RANBP2: variants seen among roughly 807,000 people sequenced by gnomAD.
RANBP2 encodes the protein E3 SUMO-protein ligase RanBP2.
A neutral mutation model predicts 303.6 loss-of-function variants in RANBP2; 57 were observed. That is an observed-to-expected ratio of 0.19 (90% CI 0.15 to 0.23). RANBP2 has a LOEUF of 0.23. RANBP2 is among the 10% of genes least tolerant of loss of function. The pLI, the probability that RANBP2 is intolerant of heterozygous loss-of-function variation, is 1.00. For synonymous variants in RANBP2, 1,167 were observed against 1,301.5 expected (o/e 0.90, Z 2.23); for missense variants, 3,138 against 3,780.8 (o/e 0.83, Z 4.46).
At chr2:109,640,980 G>A in the RANBP2 span, among the ~76,000 whole-genome samples, 1 of 152,224 alleles carries the variant, frequency 6.6e-6, no homozygotes, top group East Asian at 1.9e-4. Flanking sequence ...GTAGATCTTC[G>A]AGAATTAAAG....
At chr2:109,157,222 C>T in the RANBP2 span, among the ~76,000 whole-genome samples, 2 of 152,156 alleles carry the variant, frequency 1.3e-5, no homozygotes, top group Non-Finnish European at 2.9e-5. Flanking sequence ...TCTTCTACTC[C>T]TCAGCTCTGC....
At chr2:108,938,364 T>C in the RANBP2 span, among the ~76,000 whole-genome samples, 120 of 152,350 alleles carry the variant, frequency 7.9e-4, 1 homozygote, top group Non-Finnish European at 1.8e-4. Flanking sequence ...AATTATGTTA[T>C]GAAGCAGGTG....
the RANBP2 span, among the ~76,000 whole-genome samples, chr2:109,568,772 T>C: frequency 6.6e-6 from 1 of 152,190 alleles, no homozygotes; most frequent in Non-Finnish European, 1.5e-5. Flanking sequence ...AGCTTCTCTT[T>C]GTGCCTCGTT....
At chr2:109,163,885 G>C in the RANBP2 span, among the ~76,000 whole-genome samples, 1 of 152,164 alleles carries the variant, frequency 6.6e-6, no homozygotes, top group Non-Finnish European at 1.5e-5. Flanking sequence ...GACCAAGTAT[G>C]AATGAAAGAA....
chr2:109,509,260 T>A, the RANBP2 span, among the ~76,000 whole-genome samples: 1 of 152,186 alleles, frequency 6.6e-6, no homozygotes, highest in South Asian at 2.1e-4. Context: ...CAGCCGCCTG[T>A]CAGATTATGC....
chr2:109,527,597 T>C, the RANBP2 span, among the ~76,000 whole-genome samples: 1 of 152,136 alleles, frequency 6.6e-6, no homozygotes, highest in Non-Finnish European at 1.5e-5. Flanking sequence ...GGTGAGTTCA[T>C]AGTATCGAAT....
the RANBP2 span, among the ~76,000 whole-genome samples, chr2:108,995,716 T>A: frequency 6.6e-6 from 1 of 152,200 alleles, no homozygotes; most frequent in African/African-American, 2.4e-5. Flanking sequence ...ACAGCAGGTG[T>A]CAGAGACTTC....
chr2:108,857,326 C>T, the RANBP2 span, among the ~76,000 whole-genome samples: 1 of 152,024 alleles, frequency 6.6e-6, no homozygotes, highest in African/African-American at 2.4e-5. Flanking sequence ...GCCTCGGCCT[C>T]CCAAAGCACT....
the RANBP2 span, among the ~76,000 whole-genome samples, chr2:109,082,465 C>T: frequency 3.3e-5 from 5 of 151,166 alleles, no homozygotes; most frequent in Non-Finnish European, 5.9e-5. Flanking sequence ...CACATCTGGC[C>T]AATTTTTGTA....
rs1405683088 is a variant in RANBP2 at position 108,755,247 on chromosome 2, A to C, written c.2454A>C (p.Val818=). ...TACTGAAAATGATTTGCCAACAAGTAGAGGCCATTAAGGTAAGTCACTTAA... is the reference window on the plus strand; with the variant it reads ...TACTGAAAATGATTTGCCAACAAGTCGAGGCCATTAAGGTAAGTCACTTAA... The part of the protein sequence containing the change: ...NSLLKMICQQ[V]EAIKKEMQEL... Residue 818 remains valine, a synonymous_variant, in exon 17 of 29, where the codon GTA becomes GTC. Coordinates refer to ENST00000283195, the MANE Select transcript of RANBP2 (RefSeq NM_006267.5). 10 of 1,611,974 alleles carry C rather than the reference A, an allele frequency of 6.2e-6. No individual in the cohort carries two copies. The highest frequency in any genetic ancestry group is 7.6e-6 in the Non-Finnish European group (9 of 1,179,854).
the RANBP2 span, among the ~76,000 whole-genome samples, chr2:109,707,289 C>G: frequency 1.3e-5 from 2 of 152,144 alleles, no homozygotes; most frequent in Non-Finnish European, 2.9e-5. Flanking sequence ...CAACTGCTGA[C>G]AAAAAGAACC....
the RANBP2 span, among the ~76,000 whole-genome samples, chr2:109,123,574 A>G: frequency 1.3e-5 from 2 of 152,204 alleles, no homozygotes; most frequent in Non-Finnish European, 1.5e-5. Context: ...GATGTAAAAT[A>G]TAGACTCAAG....
the RANBP2 span, among the ~76,000 whole-genome samples, chr2:109,689,906 T>G: frequency 6.6e-6 from 1 of 152,334 alleles, no homozygotes; most frequent in Non-Finnish European, 1.5e-5. Flanking sequence ...GTATCTGTGT[T>G]CACTCTCTCT....
the RANBP2 span, among the ~76,000 whole-genome samples, chr2:108,855,059 A>G: frequency 6.6e-6 from 1 of 152,232 alleles, no homozygotes; most frequent in African/African-American, 2.4e-5. Flanking sequence ...TGAATAATAT[A>G]GCATTTATAA....
chr2:109,369,397 G>A, the RANBP2 span, among the ~76,000 whole-genome samples: 1 of 152,206 alleles, frequency 6.6e-6, no homozygotes, highest in East Asian at 1.9e-4. Context: ...AACGCTGAGC[G>A]TTGCTGGAGG....
At chr2:109,012,854 C>T in the RANBP2 span, among the ~76,000 whole-genome samples, 2 of 152,174 alleles carry the variant, frequency 1.3e-5, no homozygotes, top group South Asian at 2.1e-4. Context: ...GCGGAGCTTG[C>T]AGTGAGCAGA....
chr2:109,491,693 A>ATC, the RANBP2 span, among the ~76,000 whole-genome samples: 3 of 152,232 alleles, frequency 2.0e-5, no homozygotes, highest in Non-Finnish European at 4.4e-5. Context: ...AGCTGGAGGC[A>ATC]TCACAGAGAG....
chr2:108,777,151 T>A lies in RANBP2; in HGVS notation c.8519T>A (p.Phe2840Tyr). ...CCAGGGGAAAGCAAGATAGTTTCATTTGGATTTGGAAGTAGCACAGGGCTC... is the reference window on the plus strand; with the variant it reads ...CCAGGGGAAAGCAAGATAGTTTCATATGGATTTGGAAGTAGCACAGGGCTC... The part of the protein sequence containing the change: ...TSQGESKIVS[F>Y]GFGSSTGLSF... Residue 2840 changes from phenylalanine to tyrosine, a missense_variant, in exon 25 of 29, where the codon TTT (phenylalanine) becomes TAT (tyrosine). Around this residue, in one of 20 missense-constraint regions of RANBP2, gnomAD observed 497 missense variants for 465.8 expected, o/e 1.07. Transcript: ENST00000283195. 6.2e-7 allele frequency: 1 copy of A among 1,613,508 alleles called. No individual in the cohort carries two copies.
the RANBP2 span, among the ~76,000 whole-genome samples, chr2:109,239,165 G>C: frequency 1.2e-3 from 190 of 152,218 alleles, no homozygotes; most frequent in African/African-American, 4.3e-3. Flanking sequence ...AGCTTCCCCA[G>C]ACCTCTTTCT....
Sources: allele counts gnomAD v4.1 joint callset (sites outside exome capture counted in the v4.1 genomes callset), GRCh38; gene constraint gnomAD v4.1.1; regional missense constraint gnomAD v4.1.1; transcripts MANE v1.5; gene names NCBI Gene and HGNC (gene_info 2026-07-23, HGNC 2026-07-21).